Variants in CWC25 observed in about 807,000 individuals in gnomAD.
CWC25 encodes CWC25 spliceosome associated protein.
Under a neutral mutation model 54.6 loss-of-function variants are expected in CWC25, and 31 were observed. The observed-to-expected ratio is 0.57, with a 90% CI of 0.43 to 0.77. The LOEUF (loss-of-function observed/expected upper bound fraction) is 0.77, where lower values mean the gene tolerates loss of function less well. Ranked by LOEUF, CWC25 falls within the 30% of genes least tolerant of loss-of-function variation. The pLI, the probability that CWC25 is intolerant of heterozygous loss-of-function variation, is 0.00. For synonymous variants in CWC25, 151 were observed against 187.0 expected (o/e 0.81, Z 1.57); for missense variants, 453 against 529.3 (o/e 0.86, Z 1.41).
chr17:38,805,875 A>G (rs1911216724), intron 8 of CWC25, among the ~76,000 whole-genome samples: 1 of 151,124 alleles, frequency 6.6e-6, no homozygotes, highest in South Asian at 2.1e-4. Context: ...TGCAGTGGTG[A>G]GATCTCAGCT....
chr17:38,815,497 C>T (rs1036362758), intron 2 of CWC25: 7 of 431,580 alleles, frequency 1.6e-5, no homozygotes, highest in Admixed American at 2.7e-5. Context: ...GCAGAGGTTG[C>T]AGTAAGATCA....
chr17:38,810,427 A>G, intron 5 of CWC25, 41 bp downstream of exon 5: 1 of 1,497,998 alleles, frequency 6.7e-7, no homozygotes, highest in Non-Finnish European at 8.9e-7. Context: ...TGAATGAGCA[A>G]GTGAATCAAC....
chr17:38,818,450 G>A (rs955503158), intron 2 of CWC25, among the ~76,000 whole-genome samples: 2 of 150,990 alleles, frequency 1.3e-5, no homozygotes, highest in Admixed American at 6.6e-5. Context: ...AAATTAGCCG[G>A]GCGTGGTGGC....
chr17:38,814,913 A>G lies in CWC25; in HGVS notation c.376T>C (p.Ser126Pro). The change falls in exon 3 of 10, where the codon TCC becomes CCC. Residue 126 changes from serine (S) to proline (P), a missense_variant. Ser to Pro is a moderately conservative substitution (Grantham distance 74). This residue lies in a region of CWC25 where 444 missense variants were observed against 499.2 expected (regional missense o/e 0.89). Transcript: ENST00000614790. The stretch of plus-strand genomic sequence containing the variant: ...ATCTTGCTGGCCATGTCAAGAAGGG[A>G]ATTGGCACCTGATGGGGCAAAGATA... Reference protein sequence around the residue: ...GSIFAPSGANSLLDMASKIRE... With the variant: ...GSIFAPSGANPLLDMASKIRE... 15 of 1,613,532 alleles carry G rather than the reference A, an allele frequency of 9.3e-6. No homozygotes were observed. Among genetic ancestry groups the G allele is most frequent in the Non-Finnish European group, 1.3e-5 (15 of 1,179,782 alleles).
At chr17:38,812,140 T>C (rs905669599) in intron 4 of CWC25, among the ~76,000 whole-genome samples, 2 of 151,970 alleles carry the variant, frequency 1.3e-5, no homozygotes, top group African/African-American at 4.8e-5. Flanking sequence ...TTTCTCCGTG[T>C]TGGTCAGGCT....
At chr17:38,807,488 C>T (rs1911303446) in intron 6 of CWC25, among the ~76,000 whole-genome samples, 1 of 140,666 alleles carries the variant, frequency 7.1e-6, no homozygotes, top group African/African-American at 2.6e-5. Flanking sequence ...CAGGTGCAGT[C>T]GCTCACACCT....
chr17:38,820,348 T>C (rs779300485), intron 2 of CWC25, among the ~76,000 whole-genome samples: 3 of 152,170 alleles, frequency 2.0e-5, no homozygotes, highest in Admixed American at 6.6e-5. Context: ...ATGGATGGGG[T>C]AGTTATTATC....
chr17:38,815,260 A>G (rs1472539189), intron 2 of CWC25, among the ~76,000 whole-genome samples, 163 bp from the exon 3 acceptor site: 1 of 152,202 alleles, frequency 6.6e-6, no homozygotes, highest in Non-Finnish European at 1.5e-5. Context: ...TGGCCGGCAT[A>G]AAGAAATAGT....
intron 7 of CWC25, 81 bp downstream of exon 7, chr17:38,806,684 A>G: frequency 7.9e-7 from 1 of 1,272,348 alleles, no homozygotes; most frequent in East Asian, 2.4e-5. Context: ...ATGGACGGAC[A>G]TCACCAAAAG....
At chr17:38,825,066 G>C in intron 1 of CWC25, 100 bp downstream of exon 1, 1 of 1,134,126 alleles carries the variant, frequency 8.8e-7, no homozygotes, top group East Asian at 2.9e-5. Flanking sequence ...CGAAAGCAAA[G>C]CTGCGTTGCC....
intron 2 of CWC25, among the ~76,000 whole-genome samples, chr17:38,819,642 A>T (rs1276928659): frequency 1.4e-5 from 2 of 146,234 alleles, no homozygotes; most frequent in Non-Finnish European, 3.0e-5. Flanking sequence ...AAAGTGCTAG[A>T]TTACAGGCGT....
intron 8 of CWC25, among the ~76,000 whole-genome samples, chr17:38,803,876 CA>C (rs35578514): frequency 3.3e-5 from 5 of 149,556 alleles, no homozygotes; most frequent in Non-Finnish European, 4.5e-5. Context: ...CCCATCTCTG[CA>C]AAAAAAAAAT....
rs758133556 is a variant in CWC25, at chr17:38,806,960, C to T, written c.707G>A (p.Arg236His). The T allele has an allele frequency of 3.4e-5, 55 of 1,612,278 alleles. No individual in the cohort carries two copies. The East Asian group carries it at 3.6e-4, about 10-fold the overall frequency. Residue 236 changes from arginine to histidine, a missense_variant, in exon 7 of 10, where the codon CGT (arginine) becomes CAT (histidine). By Grantham distance (29) the Arg-to-His change is conservative (BLOSUM62 0). Around this residue, in one of 2 missense-constraint regions of CWC25, gnomAD observed 444 missense variants for 499.2 expected, o/e 0.89. Coordinates refer to ENST00000614790, the MANE Select transcript of CWC25 (RefSeq NM_017748.5). ...CAGAGGACCCTGAAGACCCTGGTTA[C>T]GGTCAGAGTTCCGGACCTACATCAT... ...GYGLQVRNSD[R>H]NQGLQGPLTA...
chr17:38,802,668 G>A (rs750117354), intron 9 of CWC25, 32 bp downstream of exon 9: 1 of 1,611,730 alleles, frequency 6.2e-7, no homozygotes, highest in Admixed American at 1.7e-5. Flanking sequence ...CCTTCCCCAT[G>A]AAAGACCCTG....
chr17:38,818,237 C>A (rs545710839), intron 2 of CWC25, among the ~76,000 whole-genome samples: 1 of 151,776 alleles, frequency 6.6e-6, no homozygotes, highest in East Asian at 1.9e-4. Flanking sequence ...GATCGCACCA[C>A]TGCACTCCAG....
At chr17:38,820,850 G>A in intron 2 of CWC25, 51 bp downstream of exon 2, 1 of 1,569,656 alleles carries the variant, frequency 6.4e-7, no homozygotes, top group South Asian at 1.2e-5. Context: ...TGCATCTCAG[G>A]ACAGCTCTGC....
At chr17:38,805,008 G>A (rs539563367) in intron 8 of CWC25, among the ~76,000 whole-genome samples, 1 of 152,118 alleles carries the variant, frequency 6.6e-6, no homozygotes, top group African/African-American at 2.4e-5. Flanking sequence ...CTAGGAGGCT[G>A]AGGCAGGAGA....
At chr17:38,812,599 C>T (rs894628014) in intron 4 of CWC25, among the ~76,000 whole-genome samples, 196 bp downstream of exon 4, 5 of 151,864 alleles carry the variant, frequency 3.3e-5, no homozygotes, top group Admixed American at 6.6e-5. Context: ...TGCACTCCAG[C>T]CTGGGCAACA....
In CWC25 at chr17:38,825,057, G is replaced by A. The variant is rs944993529; in HGVS notation, c.18+109C>T. The A allele has an allele frequency of 1.2e-5, 13 of 1,054,480 alleles. 1 individual carries two copies. In the Admixed American group the frequency reaches 1.7e-4, roughly 13 times the overall value. The allele number at this position is 1,054,480 out of a possible 1,614,324, so 65.3% of individuals were successfully genotyped here. A position where few individuals can be genotyped will look rare whatever the true frequency, so the allele number is the denominator to read the frequency against. On this transcript the variant is annotated intron_variant, in intron 1 of 9. Coordinates refer to ENST00000614790, the MANE Select transcript of CWC25 (RefSeq NM_017748.5). ...TTCAGGGCAACGGCCTCCTCCCGGC[G>A]AAAGCAAAGCTGCGTTGCCATGGTT...
Sources: gnomAD v4.1 joint callset for allele counts (sites outside exome capture counted in the v4.1 genomes callset) on GRCh38, gnomAD v4.1.1 for gene constraint, gnomAD v4.1.1 regional missense constraint, MANE v1.5 for transcripts, NCBI Gene and HGNC (gene_info 2026-07-23, HGNC 2026-07-21) for gene names.